The following ZSCAN31 variants were observed in gnomAD, a reference collection of about 807,000 sequenced individuals.
The protein encoded by ZSCAN31 is zinc finger and SCAN domain-containing protein 31.
Under a neutral mutation model 22.5 loss-of-function variants are expected in ZSCAN31, and 14 were observed. The observed-to-expected ratio is 0.62, with a 90% CI of 0.41 to 0.97. ZSCAN31 has a LOEUF of 0.97. ZSCAN31 is among the 50% of genes least tolerant of loss of function. ZSCAN31 has a pLI of 0.00. For synonymous variants in ZSCAN31, 168 were observed against 169.8 expected (o/e 0.99, Z 0.08); for missense variants, 424 against 483.4 (o/e 0.88, Z 1.15).
chr6:28,336,954 A>G (rs1764205223), upstream of ZSCAN31: 1 of 152,220 alleles, frequency 6.6e-6, no homozygotes, highest in Non-Finnish European at 1.5e-5. Flanking sequence ...CTAGAAGAAG[A>G]GCGTGTAAAC....
intron 1 of ZSCAN31, among the ~76,000 whole-genome samples, chr6:28,334,209 A>T (rs1763968993): frequency 1.3e-5 from 2 of 152,224 alleles, no homozygotes; most frequent in African/African-American, 2.4e-5. Context: ...GCCATAATTT[A>T]AAAAATGTAT....
At chr6:28,332,658 T>C (rs934094011) in intron 1 of ZSCAN31, among the ~76,000 whole-genome samples, 1 of 152,194 alleles carries the variant, frequency 6.6e-6, no homozygotes, top group East Asian at 1.9e-4. Flanking sequence ...ATAGAGGAAA[T>C]AGACCCAACA....
At position 28,326,512 on chromosome 6, in the gene ZSCAN31, T is replaced by A. The variant is rs759450261; in HGVS notation, c.875A>T (p.Glu292Val). 13 of 1,614,088 alleles carry A rather than the reference T, an allele frequency of 8.1e-6. No individual in the cohort carries two copies. In the South Asian group the frequency reaches 1.3e-4, roughly 16 times the overall value. ...LNEHRRSHTG[E>V]KPYQCKECGK... is the part of the protein sequence containing the mutation. ...ACACTCCTTACATTGATAGGGTTTC[T>A]CTCCAGTGTGGCTCCGCCGATGTTC... Residue 292 changes from glutamate to valine, a missense_variant, in exon 4 of 4, where the codon GAG becomes GTG. Coordinates refer to ENST00000344279, the MANE Select transcript of ZSCAN31 (RefSeq NM_030899.5).
At chr6:28,335,382 A>C (rs981991096) in intron 1 of ZSCAN31, 1 of 152,300 alleles carries the variant, frequency 6.6e-6, no homozygotes, top group Non-Finnish European at 1.5e-5. Flanking sequence ...TAAGGGAACA[A>C]GGCCTGACAC....
chr6:28,334,934 G>A (rs1402080173), intron 1 of ZSCAN31, among the ~76,000 whole-genome samples: 1 of 152,186 alleles, frequency 6.6e-6, no homozygotes, highest in Non-Finnish European at 1.5e-5. Context: ...AAGTTATGAG[G>A]TTGGTGGTTT....
rs1231463231 is a variant in ZSCAN31 at position 28,347,065 on chromosome 6, C to A, written c.-370-5273G>T. 1.3e-5 allele frequency among the ~76,000 whole-genome samples: 2 copies of A among 152,180 alleles called. No homozygotes were observed. The highest frequency in any genetic ancestry group is 4.8e-5 in the African/African-American group (2 of 41,428). Reference sequence around the variant, plus strand: ...AAGGTTACCTTCCTTCCACCTTATACCCCTTACATCAAGGCAAGGCAATTC... The same window carrying A: ...AAGGTTACCTTCCTTCCACCTTATAACCCTTACATCAAGGCAAGGCAATTC... On this transcript the variant is annotated intron_variant, in intron 2 of 7. Transcript: ENST00000396838. This position sits in a 1 kb window ranked among gnomAD's most constrained non-coding sequence, Gnocchi z 5.2.
upstream of ZSCAN31, chr6:28,336,915 C>CA (rs1369904277): frequency 1.5e-4 from 23 of 152,122 alleles, no homozygotes; most frequent in African/African-American, 5.1e-4. Context: ...GTTTTACACT[C>CA]AAACCTCTGT....
Position 28,326,212 on chromosome 6 carries a change from G to C in ZSCAN31, c.1175C>G (p.Thr392Arg), listed in dbSNP as rs759576462. The C allele has an allele frequency of 6.2e-7, 1 of 1,613,610 alleles. No homozygotes were observed. Among genetic ancestry groups the C allele is most frequent in the Non-Finnish European group, 8.5e-7 (1 of 1,179,676 alleles). Residue 392 changes from threonine (T) to arginine (R), a missense_variant, in exon 4 of 4, where the codon ACA becomes AGA. Physicochemically the swap from Thr to Arg is moderately conservative, Grantham distance 71. Coordinates refer to ENST00000344279, the MANE Select transcript of ZSCAN31 (RefSeq NM_030899.5). ...GATTTTCTGATGTTTCTTAAGAAGT[G>C]TCCGCTTACTAAAGAGTTTACTGCA... is the stretch of plus-strand genomic sequence containing the variant. The part of the protein sequence containing the change: ...SQCSKLFSKR[T>R]LLKKHQKIHT...
intron 2 of ZSCAN31, among the ~76,000 whole-genome samples, chr6:28,348,389 G>A (rs776657790): frequency 6.6e-6 from 1 of 152,124 alleles, no homozygotes; most frequent in Non-Finnish European, 1.5e-5. Flanking sequence ...CTGAAAGTTA[G>A]CTGACTGGAA....
At chr6:28,335,528 T>G (rs1467727667) in intron 1 of ZSCAN31, 1 of 152,228 alleles carries the variant, frequency 6.6e-6, no homozygotes, top group Non-Finnish European at 1.5e-5. Flanking sequence ...TAAGCCCAGC[T>G]TCTGTGAATC....
rs986411480 is a variant in ZSCAN31 at position 28,325,089 on chromosome 6, G to T, written c.*1077C>A. The T allele has an allele frequency of 6.6e-6, 1 of 152,172 alleles. No homozygotes were observed. Among genetic ancestry groups the T allele is most frequent in the Non-Finnish European group, 1.5e-5 (1 of 68,036 alleles). The allele number at this position is 152,172 out of a possible 1,614,324, so 9.4% of individuals were successfully genotyped here. On this transcript the variant is annotated 3_prime_UTR_variant, in exon 4 of 4. Coordinates refer to ENST00000344279, the MANE Select transcript of ZSCAN31 (RefSeq NM_030899.5). ...TAAAGTCCCACAGCTCACAAATGGG[G>T]AGGAAAGATTTGAACTTGGTGCCAG... is the stretch of plus-strand genomic sequence containing the variant.
chr6:28,354,592 A>G (rs1462899032), upstream of ZSCAN31, among the ~76,000 whole-genome samples: 2 of 152,218 alleles, frequency 1.3e-5, no homozygotes, highest in Non-Finnish European at 2.9e-5. Context: ...AGCCTGACAC[A>G]TAAGCTCTGG....
chr6:28,337,953 T>C (rs2113842562), upstream of ZSCAN31: 1 of 152,092 alleles, frequency 6.6e-6, no homozygotes, highest in South Asian at 2.1e-4. Flanking sequence ...TCTCAGCTAC[T>C]GGGGAGGCTG....
chr6:28,353,150 G>C (rs895204196), intron 2 of ZSCAN31, among the ~76,000 whole-genome samples: 2 of 151,890 alleles, frequency 1.3e-5, no homozygotes, highest in African/African-American at 4.8e-5. Flanking sequence ...TGTATTTTTA[G>C]TAGAGACGGG....
At chr6:28,345,024 A>G (rs1215056688) in intron 2 of ZSCAN31, among the ~76,000 whole-genome samples, 1 of 151,500 alleles carries the variant, frequency 6.6e-6, no homozygotes, top group East Asian at 1.9e-4. Context: ...ATGTACCTGT[A>G]GTCCCAGCTA....
chr6:28,344,976 A>T (rs997609208), intron 2 of ZSCAN31, among the ~76,000 whole-genome samples: 1 of 45,888 alleles, frequency 2.2e-5, no homozygotes, highest in African/African-American at 7.8e-4. Flanking sequence ...CTAAAACTAC[A>T]AAAAAAAAAA....
chr6:28,332,100 A>G (rs528829363), intron 1 of ZSCAN31, among the ~76,000 whole-genome samples: 1 of 152,192 alleles, frequency 6.6e-6, no homozygotes, highest in African/African-American at 2.4e-5. Context: ...GGAAAGGAAC[A>G]CAGAAGGGAA....
rs1382319351 is a variant in ZSCAN31 at position 28,325,313 on chromosome 6, T to C, written c.*853A>G. 1 of 152,196 alleles carries C rather than the reference T, an allele frequency of 6.6e-6. No homozygotes were observed. Among genetic ancestry groups the C allele is most frequent in the Non-Finnish European group, 1.5e-5 (1 of 68,038 alleles). The allele number at this position is 152,196 out of a possible 1,614,324, so 9.4% of individuals were successfully genotyped here. ...AAGGCTATGAATTAAAGAGGTACCT[T>C]GTGAAGAACAGAGATTTTAAAGTAT... is the stretch of plus-strand genomic sequence containing the variant. On this transcript the variant is annotated 3_prime_UTR_variant, in exon 4 of 4. Coordinates refer to ENST00000344279, the MANE Select transcript of ZSCAN31 (RefSeq NM_030899.5).
chr6:28,355,607 T>A (rs1349000666), upstream of ZSCAN31: 1 of 152,236 alleles, frequency 6.6e-6, no homozygotes, highest in Non-Finnish European at 1.5e-5. Flanking sequence ...CCTGTTTGGC[T>A]GCCAGGAAGG....
Sources: gnomAD v4.1 joint callset for allele counts (sites outside exome capture counted in the v4.1 genomes callset) on GRCh38, gnomAD v4.1.1 for gene constraint, Gnocchi (gnomAD v3.1) non-coding constraint, MANE v1.5 for transcripts, NCBI Gene and HGNC (gene_info 2026-07-23, HGNC 2026-07-21) for gene names.